Variants in HERC5 observed in about 807,000 individuals in gnomAD.
HERC5 encodes HECT and RLD domain containing E3 ubiquitin protein ligase 5.
Under a neutral mutation model 119.6 loss-of-function variants are expected in HERC5, and 99 were observed. The ratio of observed to expected loss-of-function variants is 0.83; its 90% confidence interval spans 0.70 to 0.98. The LOEUF is 0.98. HERC5 is among the 50% of genes least tolerant of loss of function. The pLI is 0.00. For synonymous variants in HERC5, 478 were observed against 445.9 expected, an observed-to-expected ratio of 1.07 and a Z score of -0.91; for missense variants, 1,267 against 1,241.3, an observed-to-expected ratio of 1.02 and a Z score of -0.31.
chr4:88,467,148 G>A lies in HERC5; in HGVS notation c.1001G>A (p.Arg334His), dbSNP rs754059043. Residue 334 changes from arginine (R) to histidine (H), a missense_variant, in exon 7 of 23, where the codon CGT (arginine) becomes CAT (histidine). By Grantham distance (29) the Arg-to-His change is conservative. This residue lies in a region of HERC5 where 777 missense variants were observed against 758.0 expected (regional missense o/e 1.03). Coordinates refer to ENST00000264350, the MANE Select transcript of HERC5 (RefSeq NM_016323.4). Reference protein sequence around the residue: ...KDGQLGNGGTRDQLMPLPVKV... With the variant: ...KDGQLGNGGTHDQLMPLPVKV... ...GGACAACTGGGAAATGGTGGAACAC[G>A]TGACCAGCTGATGCCGCTTCCAGTG... 1.4e-5 allele frequency: 23 copies of A among 1,614,044 alleles called. No individual in the cohort carries two copies. The highest frequency in any genetic ancestry group is 4.0e-5 in the African/African-American group (3 of 74,926).
rs777767660 is a variant in HERC5, at chr4:88,467,180, T to G, written c.1033T>G (p.Ser345Ala). The change falls in exon 7 of 23, where the codon TCA becomes GCA. Residue 345 changes from serine to alanine, a missense_variant. By Grantham distance (99) the Ser-to-Ala change is moderately conservative (BLOSUM62 1). This residue lies in a region of HERC5 where 777 missense variants were observed against 758.0 expected (regional missense o/e 1.03). Coordinates refer to ENST00000264350, the MANE Select transcript of HERC5 (RefSeq NM_016323.4). ...GCTGATGCCGCTTCCAGTGAAAGTA[T>G]CATCAAGTGAAGAACTCAAACTTGG... ...DQLMPLPVKV[S>A]SSEELKLESH... 3 of 1,614,172 alleles carry G rather than the reference T, an allele frequency of 1.9e-6. No homozygotes were observed. Among genetic ancestry groups the G allele is most frequent in the South Asian group, 1.1e-5 (1 of 91,086 alleles).
In HERC5 at chr4:88,457,225, C is replaced by A. The variant is rs1003422792; in HGVS notation, c.-45C>A. On this transcript the variant is annotated 5_prime_UTR_variant, in exon 1 of 23. Transcript: ENST00000264350. Reference sequence around the variant, plus strand: ...GGGCGCGCTCAGTCCCGGGACCAGGCGTTCTCTCCTCTCGCCTCTGGGCCT... The same window carrying A: ...GGGCGCGCTCAGTCCCGGGACCAGGAGTTCTCTCCTCTCGCCTCTGGGCCT... 1 of 1,289,828 alleles carries A rather than the reference C, an allele frequency of 7.8e-7. No homozygotes were observed. Among genetic ancestry groups the A allele is most frequent in the Non-Finnish European group, 9.8e-7 (1 of 1,016,676 alleles). 79.9% of individuals were successfully genotyped at this position (1,289,828 alleles called of 1,614,324 possible). A position where few individuals can be genotyped will look rare whatever the true frequency, so the allele number is the denominator to read the frequency against.
At chr4:88,481,388 T>G (rs1199419631) in intron 13 of HERC5, among the ~76,000 whole-genome samples, 1 of 152,218 alleles carries the variant, frequency 6.6e-6, no homozygotes, top group South Asian at 2.1e-4. Flanking sequence ...ACAAGAATTC[T>G]TTCTATTTTG....
chr4:88,503,762 A>G (rs1273714298), intron 20 of HERC5, among the ~76,000 whole-genome samples: 1 of 152,022 alleles, frequency 6.6e-6, no homozygotes, highest in African/African-American at 2.4e-5. Context: ...CATATGATGG[A>G]GTTGTTATAA....
At chr4:88,503,680 C>T (rs934917445) in intron 20 of HERC5, among the ~76,000 whole-genome samples, 2 of 152,144 alleles carry the variant, frequency 1.3e-5, no homozygotes, top group Non-Finnish European at 2.9e-5. Context: ...TTGATGTTTG[C>T]ATAGTGTATC....
intron 11 of HERC5, chr4:88,472,933 T>G (rs1302691221): frequency 6.5e-6 from 1 of 153,828 alleles, no homozygotes; most frequent in Non-Finnish European, 1.4e-5. Flanking sequence ...TTTTTTTTTT[T>G]TTTTTCCATT....
In HERC5 at chr4:88,504,173, C is replaced by T. The variant is rs1228133524; in HGVS notation, c.2583-59C>T. 1.3e-5 allele frequency: 14 copies of T among 1,101,068 alleles called. No individual in the cohort carries two copies. The Admixed American group carries it at 2.9e-4, about 23-fold the overall frequency. The allele number at this position is 1,101,068 out of a possible 1,614,324, so 68.2% of individuals were successfully genotyped here. On this transcript the variant is annotated intron_variant, in intron 20 of 22. Transcript: ENST00000264350. Reference sequence around the variant, plus strand: ...GGTATTCTAGCTTTTATTTTTAGCCCCTCACCATTTTGTTCAGGATATTGC... The same window carrying T: ...GGTATTCTAGCTTTTATTTTTAGCCTCTCACCATTTTGTTCAGGATATTGC...
chr4:88,477,564 A>AGTGG (rs1405127345), intron 12 of HERC5, among the ~76,000 whole-genome samples: 1 of 54,482 alleles, frequency 1.8e-5, no homozygotes, highest in Non-Finnish European at 3.4e-5. Context: ...GGGAAGGGGA[A>AGTGG]GGGAGGGGAG....
At position 88,462,078 on chromosome 4, in the gene HERC5, G is replaced by T. The variant is rs1300401244; in HGVS notation, c.467-57G>T. The T allele has an allele frequency of 2.1e-6, 3 of 1,409,512 alleles. No homozygotes were observed. The Admixed American group carries it at 5.7e-5, about 27-fold the overall frequency. The allele number at this position is 1,409,512 out of a possible 1,614,324, so 87.3% of individuals were successfully genotyped here. The stretch of plus-strand genomic sequence containing the variant: ...GGTAGAGCATGCATAATGCTTTAGG[G>T]TAATGTCTGCTGCATTTTAAATGGA... On this transcript the variant is annotated intron_variant, in intron 3 of 22. Transcript: ENST00000264350.
rs1742093624 is a variant in HERC5, at chr4:88,505,949, TCTA to T, written c.*74_*76del. 3 of 1,286,042 alleles carry T rather than the reference TCTA, an allele frequency of 2.3e-6. No homozygotes were observed. Among genetic ancestry groups the T allele is most frequent in the Non-Finnish European group, 3.3e-6 (3 of 919,932 alleles). The allele number at this position is 1,286,042 out of a possible 1,614,324, so 79.7% of individuals were successfully genotyped here. On this transcript the variant is annotated 3_prime_UTR_variant, in exon 23 of 23. Transcript: ENST00000264350. ...TTGTTGTTGTTGTTGTTGTTGTTTC[TCTA>T]CTTTGTTTTGTTTTAGGCTTTTAGC...
At chr4:88,462,023 G>C in intron 3 of HERC5, 112 bp from the exon 4 acceptor site, 1 of 883,188 alleles carries the variant, frequency 1.1e-6, no homozygotes, top group Non-Finnish European at 1.8e-6. Flanking sequence ...TACCATCAGT[G>C]CAAAGGTACA....
chr4:88,464,548 G>T (rs975046214), intron 6 of HERC5, among the ~76,000 whole-genome samples: 20 of 151,098 alleles, frequency 1.3e-4, no homozygotes, highest in Admixed American at 6.6e-5. Flanking sequence ...TTATTTAAAG[G>T]TTTTTTGGTT....
At chr4:88,465,525 T>C (rs1740630735) in intron 6 of HERC5, among the ~76,000 whole-genome samples, 1 of 152,228 alleles carries the variant, frequency 6.6e-6, no homozygotes, top group Non-Finnish European at 1.5e-5. Context: ...TATGAGTCTC[T>C]TCACCAAAGA....
intron 1 of HERC5, 55 bp from the exon 2 acceptor site, chr4:88,459,292 A>G (rs566702307): frequency 2.8e-6 from 4 of 1,426,212 alleles, no homozygotes; most frequent in Non-Finnish European, 2.8e-6. Flanking sequence ...GAAGTTAGTA[A>G]TACAGTGGGT....
intron 9 of HERC5, 96 bp from the exon 10 acceptor site, chr4:88,470,518 G>A (rs1027600855): frequency 3.0e-6 from 2 of 677,284 alleles, no homozygotes; most frequent in African/African-American, 3.8e-5. Context: ...ATAGTTATAA[G>A]ATGTGGTATT....
chr4:88,483,254 G>A (rs1335633852), intron 13 of HERC5, among the ~76,000 whole-genome samples: 6 of 152,054 alleles, frequency 3.9e-5, no homozygotes, highest in Admixed American at 3.3e-4. Flanking sequence ...CTCTGCCCAG[G>A]CTGGAGTGCA....
intron 3 of HERC5, 24 bp downstream of exon 3, chr4:88,460,195 G>C (rs1740376555): frequency 7.9e-7 from 1 of 1,268,058 alleles, no homozygotes; most frequent in African/African-American, 1.5e-5. Flanking sequence ...AATATTAATA[G>C]TTTTGTAGAA....
At chr4:88,463,746 A>G (rs1202724727) in intron 5 of HERC5, 109 bp from the exon 6 acceptor site, 1 of 1,406,750 alleles carries the variant, frequency 7.1e-7, no homozygotes, top group Non-Finnish European at 9.9e-7. Flanking sequence ...TCTGATATTT[A>G]GGAGCTTTAC....
intron 12 of HERC5, among the ~76,000 whole-genome samples, chr4:88,476,946 A>G (rs1479496338): frequency 2.0e-5 from 3 of 151,616 alleles, no homozygotes; most frequent in Admixed American, 6.6e-5. Flanking sequence ...GGAATCCTGT[A>G]TTACCCTGGC....
Sources: allele counts gnomAD v4.1 joint callset (sites outside exome capture counted in the v4.1 genomes callset), GRCh38; gene constraint gnomAD v4.1.1; regional missense constraint gnomAD v4.1.1; transcripts MANE v1.5; gene names NCBI Gene and HGNC (gene_info 2026-07-23, HGNC 2026-07-21).